The following PIAS1 variants were observed in gnomAD, a reference collection of about 807,000 sequenced individuals.
The protein encoded by PIAS1 is E3 SUMO-protein ligase PIAS1.
A neutral mutation model predicts 71.3 loss-of-function variants in PIAS1; 6 were observed. That is an observed-to-expected ratio of 0.08 (90% confidence interval 0.05 to 0.17). The LOEUF (loss-of-function observed/expected upper bound fraction) is 0.17. Ranked by LOEUF, PIAS1 falls within the 10% of genes least tolerant of loss-of-function variation. PIAS1 has a pLI of 1.00. For synonymous variants in PIAS1, 303 were observed against 292.9 expected (o/e 1.03, Z -0.35); for missense variants, 555 against 793.6 (o/e 0.70, Z 3.61).
intron 2 of PIAS1, among the ~76,000 whole-genome samples, chr15:68,119,038 A>T (rs1473144370): frequency 6.6e-6 from 1 of 151,922 alleles, no homozygotes; most frequent in African/African-American, 2.4e-5. Context: ...CAACCTATAC[A>T]TCTGATAAGG....
chr15:68,099,282 A>C (rs2092403845), intron 2 of PIAS1, among the ~76,000 whole-genome samples: 1 of 150,198 alleles, frequency 6.7e-6, no homozygotes, highest in African/African-American at 2.4e-5. Flanking sequence ...TTACTCTTCA[A>C]AGTTCCTTGA....
chr15:68,148,233 G>A (rs1335674985), intron 6 of PIAS1, among the ~76,000 whole-genome samples: 2 of 152,110 alleles, frequency 1.3e-5, no homozygotes, highest in Admixed American at 6.5e-5. Flanking sequence ...GTTGCAATCA[G>A]GTGAAAGGTT....
intron 7 of PIAS1, among the ~76,000 whole-genome samples, chr15:68,154,709 C>A (rs1488482828): frequency 6.6e-6 from 1 of 152,188 alleles, no homozygotes; most frequent in African/African-American, 2.4e-5. Flanking sequence ...AAAAATGCAG[C>A]TAATCCTGAA....
chr15:68,072,255 C>G lies in PIAS1; in HGVS notation c.25-14051C>G, dbSNP rs562833493. Among the ~76,000 whole-genome samples the G allele has an allele frequency of 1.2e-4, 18 of 151,760 alleles. No individual in the cohort carries two copies. In the South Asian group the frequency reaches 3.7e-3, roughly 32 times the overall value. On this transcript the variant is annotated intron_variant, in intron 1 of 13. Coordinates refer to ENST00000249636, the MANE Select transcript of PIAS1 (RefSeq NM_016166.3). Reference sequence around the variant, plus strand: ...CTACTAAAAATACAAAAAAAATTAGCTGGGCGTGGTGGCGGGCACCTGTAG... The same window carrying G: ...CTACTAAAAATACAAAAAAAATTAGGTGGGCGTGGTGGCGGGCACCTGTAG...
rs201399622 is a variant in PIAS1 at position 68,142,329 on chromosome 15, C to T, written c.594C>T (p.Val198=). ...CCAAATGTGACTTCACAGTACAGGT[C>T]CAGTTAAGGTACAGTGCTGACTATA... The part of the protein sequence containing the change: ...SGTKCDFTVQ[V]QLRFCLSETS... Residue 198 remains valine (V), a synonymous_variant, in exon 4 of 14, where the codon GTC becomes GTT. Transcript: ENST00000249636. 30 of 1,600,734 alleles carry T rather than the reference C, an allele frequency of 1.9e-5. No homozygotes were observed. Among genetic ancestry groups the T allele is most frequent in the Non-Finnish European group, 2.3e-5 (27 of 1,168,566 alleles).
chr15:68,169,599 T>C (rs548764481), intron 8 of PIAS1, among the ~76,000 whole-genome samples: 1 of 152,228 alleles, frequency 6.6e-6, no homozygotes, highest in Admixed American at 6.5e-5. Context: ...CTTGTGAGAC[T>C]GTTTCTCAAA....
rs572465181 is a variant in PIAS1 at position 68,186,010 on chromosome 15, G to A, written c.1663-1532G>A. 2.3e-4 allele frequency among the ~76,000 whole-genome samples: 34 copies of A among 150,942 alleles called. No individual in the cohort carries two copies. Among genetic ancestry groups the A allele is most frequent in the Admixed American group, 9.9e-4 (15 of 15,110 alleles). On this transcript the variant is annotated intron_variant, in intron 13 of 13. Coordinates refer to ENST00000249636, the MANE Select transcript of PIAS1 (RefSeq NM_016166.3). This position sits in a 1 kb window ranked among gnomAD's most constrained non-coding sequence, Gnocchi z 4.4. The stretch of plus-strand genomic sequence containing the variant: ...AAAACATGGGCCCTAACAATGAAAG[G>A]TTTTCATTAATAGAGAGGAATGTTT...
intron 2 of PIAS1, among the ~76,000 whole-genome samples, chr15:68,110,452 C>T (rs2141008987): frequency 1.3e-5 from 2 of 151,944 alleles, no homozygotes; most frequent in South Asian, 4.2e-4. Flanking sequence ...AAAAATTAGC[C>T]CGGTGTGGTG....
At chr15:68,138,796 G>T (rs2092750884) in intron 2 of PIAS1, among the ~76,000 whole-genome samples, 1 of 152,196 alleles carries the variant, frequency 6.6e-6, no homozygotes, top group South Asian at 2.1e-4. Flanking sequence ...TTTAATAAGG[G>T]TGTAACAACC....
At chr15:68,068,325 C>T (rs1216990767) in intron 1 of PIAS1, among the ~76,000 whole-genome samples, 3 of 152,060 alleles carry the variant, frequency 2.0e-5, no homozygotes, top group Admixed American at 6.5e-5. Flanking sequence ...GCTGTGATGG[C>T]GCCACTGTAC....
chr15:68,069,466 T>A (rs1462949104), intron 1 of PIAS1, among the ~76,000 whole-genome samples: 1 of 152,158 alleles, frequency 6.6e-6, no homozygotes, highest in Non-Finnish European at 1.5e-5. Context: ...TGTTAAATGC[T>A]CACACATCAT....
intron 2 of PIAS1, among the ~76,000 whole-genome samples, chr15:68,126,283 C>T (rs1313058275): frequency 1.3e-5 from 2 of 151,976 alleles, no homozygotes; most frequent in Non-Finnish European, 2.9e-5. Flanking sequence ...TGTTTTCTTC[C>T]TCCTTGTCTT....
Position 68,171,491 on chromosome 15 carries a change from TGTAA to T in PIAS1, c.1009-2240_1009-2237del, listed in dbSNP as rs1178428079. Reference sequence around the variant, plus strand: ...ACCAAAATGTTATGTGGTGCTTGATTGTAATCATATGCAGGAGTGTAGAGTTGGG... The same window carrying T: ...ACCAAAATGTTATGTGGTGCTTGATTTCATATGCAGGAGTGTAGAGTTGGG... On this transcript the variant is annotated intron_variant, in intron 8 of 13. Coordinates refer to ENST00000249636, the MANE Select transcript of PIAS1 (RefSeq NM_016166.3). The surrounding 1 kb of genome is among the most constrained non-coding windows in gnomAD (Gnocchi z 4.4). Among the ~76,000 whole-genome samples, 1 of 152,184 alleles carries T rather than the reference TGTAA, an allele frequency of 6.6e-6. No individual in the cohort carries two copies. Among genetic ancestry groups the T allele is most frequent in the Admixed American group, 6.5e-5 (1 of 15,278 alleles).
chr15:68,132,035 T>TTA (rs1555429562), intron 2 of PIAS1, among the ~76,000 whole-genome samples: 1 of 118,624 alleles, frequency 8.4e-6, no homozygotes, highest in East Asian at 2.2e-4. Context: ...AAACCTCCTC[T>TTA]AAAAAAAAAA....
In PIAS1 at chr15:68,146,572, C is replaced by T. The variant is rs759623272; in HGVS notation, c.700C>T (p.Leu234Phe). 6.2e-7 allele frequency: 1 copy of T among 1,610,532 alleles called. No individual in the cohort carries two copies. Among genetic ancestry groups the T allele is most frequent in the Non-Finnish European group, 8.5e-7 (1 of 1,177,328 alleles). ...AATTACATTTCATTTTTAGGGTTAC[C>T]TTCCACCTACAAAAAATGGCGTGGA... Reference protein sequence around the residue: ...NTKPCSLPGYLPPTKNGVEPK... With the variant: ...NTKPCSLPGYFPPTKNGVEPK... The change falls in exon 6 of 14, where the codon CTT (leucine) becomes TTT (phenylalanine). Residue 234 changes from leucine to phenylalanine, a missense_variant. Physicochemically the swap from Leu to Phe is conservative, Grantham distance 22 (BLOSUM62 0). Around this residue, in one of 5 missense-constraint regions of PIAS1, gnomAD observed 134 missense variants for 203.4 expected, o/e 0.66. Transcript: ENST00000249636.
At chr15:68,179,564 C>CTTTTTTTTTTTTT (rs766344324) in intron 11 of PIAS1, among the ~76,000 whole-genome samples, 860 of 40,102 alleles carry the variant, frequency 0.021, 305 homozygotes, top group Middle Eastern at 0.077. Flanking sequence ...GTGAAATGTT[C>CTTTTTTTTTTTTT]TTTTTTTTTT....
intron 2 of PIAS1, among the ~76,000 whole-genome samples, chr15:68,098,972 AT>A (rs1300933677): frequency 6.6e-6 from 1 of 152,088 alleles, no homozygotes; most frequent in Non-Finnish European, 1.5e-5. Flanking sequence ...GTGTTTGCTA[AT>A]TTATAATCTT....
intron 2 of PIAS1, among the ~76,000 whole-genome samples, chr15:68,119,317 C>T (rs2092594708): frequency 6.9e-6 from 1 of 145,646 alleles, no homozygotes; most frequent in African/African-American, 2.5e-5. Flanking sequence ...TGGTGGCGCA[C>T]ACCTGTAATC....
rs1454033432 is a variant in PIAS1, at chr15:68,109,418, T to C, written c.469+22668T>C. On this transcript the variant is annotated intron_variant, in intron 2 of 13. Coordinates refer to ENST00000249636, the MANE Select transcript of PIAS1 (RefSeq NM_016166.3). The stretch of plus-strand genomic sequence containing the variant: ...AGGGCAGTGGTTTGGGTCTCTTGTT[T>C]ATTGAAGTATGCTAAGCACCTAGAA... 1.3e-5 allele frequency among the ~76,000 whole-genome samples: 2 copies of C among 152,214 alleles called. 1 individual carries two copies. The highest frequency in any genetic ancestry group is 1.3e-4 in the Admixed American group (2 of 15,274).
Sources: gnomAD v4.1 joint callset for allele counts (sites outside exome capture counted in the v4.1 genomes callset) on GRCh38, gnomAD v4.1.1 for gene constraint, gnomAD v4.1.1 regional missense constraint, Gnocchi (gnomAD v3.1) non-coding constraint, MANE v1.5 for transcripts, NCBI Gene and HGNC (gene_info 2026-07-23, HGNC 2026-07-21) for gene names.